The following ALDH3A1 variants were observed in gnomAD, a reference collection of about 807,000 sequenced individuals.
The protein encoded by ALDH3A1 is aldehyde dehydrogenase 3 family member A1, also known as aldehyde dehydrogenase, dimeric NADP-preferring.
In ALDH3A1, 46 loss-of-function variants were observed where a neutral mutation model predicts 49.9. The observed-to-expected ratio is 0.92, with a 90% CI of 0.73 to 1.18. The LOEUF (loss-of-function observed/expected upper bound fraction) is 1.18, where lower values mean the gene tolerates loss of function less well. ALDH3A1 is among the 50% of genes most tolerant of loss of function. ALDH3A1 has a pLI of 0.00. For missense variants in ALDH3A1, 592 were observed against 611.8 expected (o/e 0.97, Z 0.34); for synonymous variants, 269 against 253.3 (o/e 1.06, Z -0.59).
chr17:19,740,736 A>T (rs2086476875), intron 6 of ALDH3A1, among the ~76,000 whole-genome samples: 1 of 151,952 alleles, frequency 6.6e-6, no homozygotes, highest in African/African-American at 2.4e-5. Context: ...CTGCAGCCTC[A>T]AACTCCTGGG....
At chr17:19,740,722 C>T (rs2086476726) in intron 6 of ALDH3A1, among the ~76,000 whole-genome samples, 1 of 152,024 alleles carries the variant, frequency 6.6e-6, no homozygotes, top group South Asian at 2.1e-4. Context: ...GCAATCATAG[C>T]TCACTGCAGC....
At chr17:19,745,319 C>G in intron 1 of ALDH3A1, 185 bp from the exon 2 acceptor site, 1 of 604,420 alleles carries the variant, frequency 1.7e-6, no homozygotes, top group Non-Finnish European at 2.7e-6. Flanking sequence ...TGGGCCCTGG[C>G]TGCCTTGCTA....
At chr17:19,739,361 T>C in intron 8 of ALDH3A1, 147 bp downstream of exon 8, 2 of 1,031,032 alleles carry the variant, frequency 1.9e-6, no homozygotes, top group South Asian at 1.6e-5. Flanking sequence ...GCTGCTGTCC[T>C]GATCTTACAG....
intron 1 of ALDH3A1, among the ~76,000 whole-genome samples, chr17:19,746,636 T>TGC (rs199682319): frequency 1.4e-5 from 2 of 139,460 alleles, no homozygotes; most frequent in Non-Finnish European, 3.0e-5. Context: ...TGTGTGTGTG[T>TGC]GCGTGTGCGT....
intron 1 of ALDH3A1, among the ~76,000 whole-genome samples, chr17:19,746,731 G>A (rs140318101): frequency 1.8e-4 from 28 of 151,716 alleles, no homozygotes; most frequent in African/African-American, 5.1e-4. Flanking sequence ...GTGTGCGCGC[G>A]TGTGCGTGTG....
chr17:19,746,657 G>GCA lies in ALDH3A1; in HGVS notation c.-5-1524_-5-1523insTG, dbSNP rs1567657281. 1.3e-3 allele frequency among the ~76,000 whole-genome samples: 192 copies of GCA among 146,728 alleles called. 1 individual carries two copies. Among genetic ancestry groups the GCA allele is most frequent in the East Asian group, 0.011 (57 of 4,984 alleles). On this transcript the variant is annotated intron_variant, in intron 1 of 10. Transcript: ENST00000225740. ...TGTGTGCGTGTGCGTGTGTGTGCAT[G>GCA]TGTGTGTGTGCGTGTGTGTGCATGT...
intron 2 of ALDH3A1, chr17:19,744,158 G>A: frequency 2.0e-6 from 2 of 980,460 alleles, no homozygotes; most frequent in Non-Finnish European, 2.4e-6. Context: ...AGCACTCTGA[G>A]AGGCCGAGAA....
At chr17:19,745,996 G>A (rs2086590510) in intron 1 of ALDH3A1, among the ~76,000 whole-genome samples, 1 of 152,220 alleles carries the variant, frequency 6.6e-6, no homozygotes, top group African/African-American at 2.4e-5. Context: ...GGTTTACTGT[G>A]CAGTATTTAG....
At position 19,743,289 on chromosome 17, in the gene ALDH3A1, T is replaced by C; in HGVS notation, c.337A>G (p.Thr113Ala). Reference protein sequence around the residue: ...EPLGVVLVIGTWNYPFNLTIQ... With the variant: ...EPLGVVLVIGAWNYPFNLTIQ... ...GTGAGGTTGAAGGGGTAGTTCCAGG[T>C]GCCAATGACGAGGACCACGCCCAGT... Residue 113 changes from threonine to alanine, a missense_variant, in exon 3 of 11, where the codon ACC (threonine) becomes GCC (alanine). Physicochemically the swap from Thr to Ala is moderately conservative, Grantham distance 58 (BLOSUM62 0). Coordinates refer to ENST00000225740, the MANE Select transcript of ALDH3A1 (RefSeq NM_000691.5). The surrounding 1 kb of genome is among the most constrained non-coding windows in gnomAD (Gnocchi z 4.4). 1 of 1,614,054 alleles carries C rather than the reference T, an allele frequency of 6.2e-7. No individual in the cohort carries two copies. The highest frequency in any genetic ancestry group is 1.1e-5 in the South Asian group (1 of 91,080).
Position 19,738,338 on chromosome 17 carries a change from G to A in ALDH3A1, c.1332C>T (p.Pro444=), listed in dbSNP as rs370815018. The change falls in exon 10 of 11, where the codon CCC becomes CCT. Residue 444 remains proline (P), a synonymous_variant. Transcript: ENST00000225740. ...CCCCTCTCACCTTGGCCGGGCTCGG[G>A]GGGTATCTGACCTTCAGGCCTTCAT... ...MNDEGLKVRY[P]PSPAKMTQH is the part of the protein sequence containing the mutation. 2.3e-5 allele frequency: 37 copies of A among 1,613,152 alleles called. No individual in the cohort carries two copies. The highest frequency in any genetic ancestry group is 5.5e-5 in the South Asian group (5 of 91,080).
At position 19,741,089 on chromosome 17, in the gene ALDH3A1, T is replaced by G. The variant is rs2086482689; in HGVS notation, c.807+4A>C. ...TCCCACCCTGCCAAGGGGTCAACAC[T>G]CACTTTCAGTGACTTCTTGAGCTTC... On this transcript the variant is annotated splice_donor_region_variant and intron_variant, in intron 6 of 10. Coordinates refer to ENST00000225740, the MANE Select transcript of ALDH3A1 (RefSeq NM_000691.5). 6.2e-7 allele frequency: 1 copy of G among 1,612,628 alleles called. No individual in the cohort carries two copies.
chr17:19,743,407 G>A lies in ALDH3A1; in HGVS notation c.219C>T (p.Tyr73=), dbSNP rs2086539250. The A allele has an allele frequency of 6.2e-7, 1 of 1,614,092 alleles. No homozygotes were observed. Among genetic ancestry groups the A allele is most frequent in the Non-Finnish European group, 8.5e-7 (1 of 1,179,996 alleles). ...CCCACTCAGGGAGCTTCTGGATCAT[G>A]TACTCGATCTCCTCTAGGACGTACA... ...EVVYVLEEIE[Y]MIQKLPEWAA... Residue 73 remains tyrosine, a synonymous_variant, in exon 3 of 11, where the codon TAC becomes TAT. Coordinates refer to ENST00000225740, the MANE Select transcript of ALDH3A1 (RefSeq NM_000691.5). The surrounding 1 kb of genome is among the most constrained non-coding windows in gnomAD (Gnocchi z 4.4).
In ALDH3A1 at chr17:19,740,943, G is replaced by A. The variant is rs1193552141; in HGVS notation, c.807+150C>T. On this transcript the variant is annotated intron_variant, in intron 6 of 10. Coordinates refer to ENST00000225740, the MANE Select transcript of ALDH3A1 (RefSeq NM_000691.5). The stretch of plus-strand genomic sequence containing the variant: ...TACCTCCCAAAGTGCTGGGATTACC[G>A]GTGTGAGCCACCATGCCTAGCTTGC... 24 of 632,192 alleles carry A rather than the reference G, an allele frequency of 3.8e-5. 1 individual carries two copies. Among genetic ancestry groups the A allele is most frequent in the Admixed American group, 2.2e-4 (8 of 36,516 alleles). The allele number at this position is 632,192 out of a possible 1,614,324, so 39.2% of individuals were successfully genotyped here. A position where few individuals can be genotyped will look rare whatever the true frequency, so the allele number is the denominator to read the frequency against.
chr17:19,743,343 G>C lies in ALDH3A1; in HGVS notation c.283C>G (p.Gln95Glu). 1.2e-6 allele frequency: 2 copies of C among 1,614,130 alleles called. No homozygotes were observed. The highest frequency in any genetic ancestry group is 2.2e-5 in the South Asian group (2 of 91,086). The change falls in exon 3 of 11, where the codon CAG becomes GAG. Residue 95 changes from glutamine (Q) to glutamate (E), a missense_variant. Physicochemically the swap from Gln to Glu is conservative, Grantham distance 29 (BLOSUM62 2). Transcript: ENST00000225740. This position sits in a 1 kb window ranked among gnomAD's most constrained non-coding sequence, Gnocchi z 4.4. Reference sequence around the variant, plus strand: ...TCCGAGTGGATGTAGAGCTCGTCCTGCTGAGTCTGGGGCGTCTTCTCCACG... The same window carrying C: ...TCCGAGTGGATGTAGAGCTCGTCCTCCTGAGTCTGGGGCGTCTTCTCCACG... ...EPVEKTPQTQ[Q>E]DELYIHSEPL... is the part of the protein sequence containing the mutation.
chr17:19,744,423 A>G, intron 2 of ALDH3A1: 1 of 984,030 alleles, frequency 1.0e-6, no homozygotes. Flanking sequence ...ATAAAATAAA[A>G]TAAAAATAAA....
chr17:19,744,784 A>C (rs2086566345), intron 2 of ALDH3A1, 184 bp downstream of exon 2: 1 of 1,372,710 alleles, frequency 7.3e-7, no homozygotes, highest in South Asian at 1.6e-5. Context: ...AGGGCGGAAG[A>C]GGCGGCGGGG....
rs757324643 is a variant in ALDH3A1 at position 19,741,136 on chromosome 17, G to A, written c.764C>T (p.Ser255Leu). ...CTTCTCCACAATTTGGTTCTGGATC[G>A]AGGGGTCACAGAGGATGTAGTCAGG... is the stretch of plus-strand genomic sequence containing the variant. ...VAPDYILCDP[S>L]IQNQIVEKLK... Residue 255 changes from serine to leucine, a missense_variant, in exon 6 of 11, where the codon TCG becomes TTG. Physicochemically the swap from Ser to Leu is moderately radical, Grantham distance 145. Transcript: ENST00000225740. 49 of 1,613,984 alleles carry A rather than the reference G, an allele frequency of 3.0e-5. No individual in the cohort carries two copies. Among genetic ancestry groups the A allele is most frequent in the East Asian group, 4.5e-5 (2 of 44,894 alleles).
intron 6 of ALDH3A1, 40 bp from the exon 7 acceptor site, chr17:19,740,517 G>T: frequency 6.2e-7 from 1 of 1,607,316 alleles, no homozygotes; most frequent in South Asian, 1.1e-5. Context: ...AGGACGCAGA[G>T]CCTCGTCCTG....
intron 2 of ALDH3A1, 57 bp downstream of exon 2, chr17:19,744,911 C>CCACGCCCCAT: frequency 2.7e-6 from 3 of 1,112,684 alleles, no homozygotes; most frequent in Middle Eastern, 3.3e-4. Context: ...GCCCCTCCCC[C>CCACGCCCCAT]CACGCCCCAT....
Sources: gnomAD v4.1 joint callset for allele counts (sites outside exome capture counted in the v4.1 genomes callset) on GRCh38, gnomAD v4.1.1 for gene constraint, Gnocchi (gnomAD v3.1) non-coding constraint, MANE v1.5 for transcripts, NCBI Gene and HGNC (gene_info 2026-07-23, HGNC 2026-07-21) for gene names.